RASIP1: variants seen among roughly 807,000 people sequenced by gnomAD.
RASIP1 encodes Ras interacting protein 1.
Under a neutral mutation model 85.3 loss-of-function variants are expected in RASIP1, and 20 were observed. The observed-to-expected ratio is 0.23, with a 90% CI of 0.17 to 0.34. The LOEUF (loss-of-function observed/expected upper bound fraction) is 0.34, where lower values mean the gene tolerates loss of function less well. Among genes scored for constraint, RASIP1 ranks in the 10% least tolerant of loss-of-function variants. RASIP1 has a pLI of 1.00. For missense variants in RASIP1, 1,170 were observed against 1,390.9 expected (o/e 0.84, Z 2.53); for synonymous variants, 617 against 647.1 (o/e 0.95, Z 0.71).
chr19:48,726,224 G>C (rs757374385), intron 8 of RASIP1, among the ~76,000 whole-genome samples: 1 of 151,546 alleles, frequency 6.6e-6, no homozygotes, highest in African/African-American at 2.4e-5. Flanking sequence ...TGCATCCGGC[G>C]TTATATTACT....
chr19:48,723,559 CAAAAAA>C (rs56200310), intron 10 of RASIP1, among the ~76,000 whole-genome samples: 2 of 77,306 alleles, frequency 2.6e-5, no homozygotes, highest in Non-Finnish European at 2.6e-5. Flanking sequence ...GACTCCGTCT[CAAAAAA>C]AAAAAAAAAA....
In RASIP1 at chr19:48,739,251, C is replaced by T. The variant is rs953263753; in HGVS notation, c.532G>A (p.Glu178Lys). 2 of 1,473,352 alleles carry T rather than the reference C, an allele frequency of 1.4e-6. No homozygotes were observed. The highest frequency in any genetic ancestry group is 1.3e-5 in the South Asian group (1 of 78,158). 91.3% of individuals were successfully genotyped at this position (1,473,352 alleles called of 1,614,324 possible). A position where few individuals can be genotyped will look rare whatever the true frequency, so the allele number is the denominator to read the frequency against. Reference protein sequence around the residue: ...ARSTARELVAEALERYGLAGS... With the variant: ...ARSTARELVAKALERYGLAGS... ...GCTAGGCCGTAGCGCTCTAGCGCCT[C>T]GGCCACGAGCTCGCGCGCCGTGGAG... The change falls in exon 3 of 12, where the codon GAG becomes AAG. Residue 178 changes from glutamate to lysine, a missense_variant. By Grantham distance (56) the Glu-to-Lys change is moderately conservative. Coordinates refer to ENST00000222145, the MANE Select transcript of RASIP1 (RefSeq NM_017805.3). This position sits in a 1 kb window ranked among gnomAD's most constrained non-coding sequence, Gnocchi z 9.2.
At position 48,739,132 on chromosome 19, in the gene RASIP1, T is replaced by G; in HGVS notation, c.651A>C (p.Gly217=). 5 of 1,355,508 alleles carry G rather than the reference T, an allele frequency of 3.7e-6. No homozygotes were observed. The highest frequency in any genetic ancestry group is 4.7e-6 in the Non-Finnish European group (5 of 1,060,140). 84.0% of individuals were successfully genotyped at this position (1,355,508 alleles called of 1,614,324 possible). A position where few individuals can be genotyped will look rare whatever the true frequency, so the allele number is the denominator to read the frequency against. ...ALGRPAAAGV[G]SGEWRAEHLR... is the part of the protein sequence containing the mutation. ...GGTGCTCCGCCCGCCACTCGCCGCT[T>G]CCCACGCCCGCCGCCGCGGGCCGGC... Residue 217 remains glycine (G), a synonymous_variant, in exon 3 of 12, where the codon GGA becomes GGC. Transcript: ENST00000222145. This position sits in a 1 kb window ranked among gnomAD's most constrained non-coding sequence, Gnocchi z 9.2.
At chr19:48,731,366 C>T (rs1045372649) in intron 4 of RASIP1, among the ~76,000 whole-genome samples, 6 of 152,132 alleles carry the variant, frequency 3.9e-5, no homozygotes, top group South Asian at 2.1e-4. Context: ...ACTCCCCCAA[C>T]GGAGGATTTC....
rs1021004881 is a variant in RASIP1, at chr19:48,735,510, G to C, written c.865C>G (p.Arg289Gly). 6.5e-7 allele frequency: 1 copy of C among 1,549,652 alleles called. No homozygotes were observed. The highest frequency in any genetic ancestry group is 8.7e-7 in the Non-Finnish European group (1 of 1,146,334). ...AGCGCTGCCCCACCCGACGCCGCCCGGGAGCGGTTCTTCTGTGGCCGCCAC... is the reference window on the plus strand; with the variant it reads ...AGCGCTGCCCCACCCGACGCCGCCCCGGAGCGGTTCTTCTGTGGCCGCCAC... ...PSWRPQKNRS[R>G]AASGGAALAS... Residue 289 changes from arginine (R) to glycine (G), a missense_variant, in exon 4 of 12, where the codon CGG (arginine) becomes GGG (glycine). Arg to Gly is a moderately radical substitution (Grantham distance 125). Coordinates refer to ENST00000222145, the MANE Select transcript of RASIP1 (RefSeq NM_017805.3).
rs1234043771 is a variant in RASIP1 at position 48,740,203 on chromosome 19, G to T, written c.80C>A (p.Ser27Tyr). Residue 27 changes from serine to tyrosine, a missense_variant, in exon 2 of 12, where the codon TCC (serine) becomes TAC (tyrosine). Coordinates refer to ENST00000222145, the MANE Select transcript of RASIP1 (RefSeq NM_017805.3). The surrounding 1 kb of genome is among the most constrained non-coding windows in gnomAD (Gnocchi z 5.5). ...CAGCTTCGCCAGCTGCTTCCTGGGG[G>T]AATTGATCCACAGGCCCACGGGGAG... ...LHLPVGLWIN[S>Y]PRKQLAKLGR... 1 of 1,590,456 alleles carries T rather than the reference G, an allele frequency of 6.3e-7. No homozygotes were observed. The highest frequency in any genetic ancestry group is 1.9e-5 in the Admixed American group (1 of 52,538).
chr19:48,733,349 A>G (rs1173379508), intron 4 of RASIP1, among the ~76,000 whole-genome samples: 2 of 152,184 alleles, frequency 1.3e-5, no homozygotes, highest in Non-Finnish European at 2.9e-5. Context: ...CTATTAGTGC[A>G]GTAACTTCCC....
chr19:48,739,528 G>A lies in RASIP1; in HGVS notation c.255C>T (p.Arg85=). ...GGAAGAGCTGGGAGATGCGCTTGGC[G>A]CGGCTACCGGAGGCTCCCCCGGCCG... ...VKAAGGASGS[R]AKRISQLFRG... is the part of the protein sequence containing the mutation. The change falls in exon 3 of 12, where the codon CGC becomes CGT. Residue 85 remains arginine (R), a synonymous_variant. Coordinates refer to ENST00000222145, the MANE Select transcript of RASIP1 (RefSeq NM_017805.3). The surrounding 1 kb of genome is among the most constrained non-coding windows in gnomAD (Gnocchi z 9.2). 1 of 1,515,786 alleles carries A rather than the reference G, an allele frequency of 6.6e-7. No homozygotes were observed. Among genetic ancestry groups the A allele is most frequent in the Non-Finnish European group, 8.8e-7 (1 of 1,136,838 alleles). 93.9% of individuals were successfully genotyped at this position (1,515,786 alleles called of 1,614,324 possible). A position where few individuals can be genotyped will look rare whatever the true frequency, so the allele number is the denominator to read the frequency against.
chr19:48,727,682 C>CTTTTTT (rs778318979), intron 5 of RASIP1, among the ~76,000 whole-genome samples: 13 of 121,784 alleles, frequency 1.1e-4, no homozygotes, highest in Admixed American at 3.5e-4. Flanking sequence ...CATACGGATT[C>CTTTTTT]TTTTTTTTTT....
At position 48,724,246 on chromosome 19, in the gene RASIP1, G is replaced by T; in HGVS notation, c.2544+91C>A. On this transcript the variant is annotated intron_variant, in intron 10 of 11. Coordinates refer to ENST00000222145, the MANE Select transcript of RASIP1 (RefSeq NM_017805.3). The surrounding 1 kb of genome is among the most constrained non-coding windows in gnomAD (Gnocchi z 4.6). ...GCTGGGGATGGCATGGGGTTCAAGG[G>T]GAGCTCTGACGGTGAGCTGAATATA... The T allele has an allele frequency of 2.2e-6, 3 of 1,383,856 alleles. No individual in the cohort carries two copies. The highest frequency in any genetic ancestry group is 3.0e-6 in the Non-Finnish European group (3 of 1,011,392). The allele number at this position is 1,383,856 out of a possible 1,614,324, so 85.7% of individuals were successfully genotyped here.
chr19:48,724,340 G>T lies in RASIP1; in HGVS notation c.2541C>A (p.Leu847=). The T allele has an allele frequency of 6.2e-7, 1 of 1,613,756 alleles. No homozygotes were observed. The highest frequency in any genetic ancestry group is 8.5e-7 in the Non-Finnish European group (1 of 1,179,772). The part of the protein sequence containing the change: ...NLLCVPRTSL[L]KASWSSLRTD... The stretch of plus-strand genomic sequence containing the variant: ...GGTATAGCTGACCAGGAGTCACCTT[G>T]AGCAGGGAAGTGCGGGGCACACAGA... The change falls in exon 10 of 12, where the codon CTC becomes CTA. Residue 847 remains leucine, a synonymous_variant. Coordinates refer to ENST00000222145, the MANE Select transcript of RASIP1 (RefSeq NM_017805.3). This position sits in a 1 kb window ranked among gnomAD's most constrained non-coding sequence, Gnocchi z 4.6.
Position 48,739,759 on chromosome 19 carries a change from G to A in RASIP1, c.138-114C>T. The A allele has an allele frequency of 1.5e-6, 1 of 648,164 alleles. No homozygotes were observed. Among genetic ancestry groups the A allele is most frequent in the East Asian group, 1.4e-4 (1 of 6,970 alleles). 40.2% of individuals were successfully genotyped at this position (648,164 alleles called of 1,614,324 possible). On this transcript the variant is annotated intron_variant, in intron 2 of 11. Coordinates refer to ENST00000222145, the MANE Select transcript of RASIP1 (RefSeq NM_017805.3). The surrounding 1 kb of genome is among the most constrained non-coding windows in gnomAD (Gnocchi z 9.2). ...GGCAGAGACCCAGAGGGAGGACAGG[G>A]ACCCAGGGTGGATGGACGGGGCGGG...
At position 48,740,250 on chromosome 19, in the gene RASIP1, G is replaced by A. The variant is rs760755492; in HGVS notation, c.33C>T (p.Ser11=). The A allele has an allele frequency of 2.2e-5, 35 of 1,587,888 alleles. No homozygotes were observed. In the South Asian group the frequency reaches 3.6e-4, roughly 16 times the overall value. Residue 11 remains serine (S), a synonymous_variant, in exon 2 of 12, where the codon AGC becomes AGT. Transcript: ENST00000222145. The surrounding 1 kb of genome is among the most constrained non-coding windows in gnomAD (Gnocchi z 5.5). ...GGAGATGAAGCTTCCCGAAGCGGGGGCTTCCGCCCTCCTTCCGTTCACCAG... is the reference window on the plus strand; with the variant it reads ...GGAGATGAAGCTTCCCGAAGCGGGGACTTCCGCCCTCCTTCCGTTCACCAG... MLSGERKEGG[S]PRFGKLHLPV...
Position 48,724,786 on chromosome 19 carries a change from C to T in RASIP1, c.2302G>A (p.Val768Met), listed in dbSNP as rs1466231571. Reference protein sequence around the residue: ...TSQCELHPDLVSQTFGYLFFF... With the variant: ...TSQCELHPDLMSQTFGYLFFF... Reference sequence around the variant, plus strand: ...AACAAGTAGCCAAAAGTCTGAGACACGAGGTCAGGGTGCAGCTCGCACTGG... The same window carrying T: ...AACAAGTAGCCAAAAGTCTGAGACATGAGGTCAGGGTGCAGCTCGCACTGG... Residue 768 changes from valine to methionine, a missense_variant, in exon 9 of 12, where the codon GTG (valine) becomes ATG (methionine). Val to Met is a conservative substitution (Grantham distance 21, BLOSUM62 1). Around this residue, in one of 4 missense-constraint regions of RASIP1, gnomAD observed 426 missense variants for 576.2 expected, o/e 0.74. Transcript: ENST00000222145. The surrounding 1 kb of genome is among the most constrained non-coding windows in gnomAD (Gnocchi z 4.6). 8.7e-6 allele frequency: 14 copies of T among 1,614,162 alleles called. No individual in the cohort carries two copies. Among genetic ancestry groups the T allele is most frequent in the Non-Finnish European group, 1.2e-5 (14 of 1,180,034 alleles).
intron 4 of RASIP1, 107 bp downstream of exon 4, chr19:48,735,089 C>A: frequency 9.4e-7 from 1 of 1,066,452 alleles, no homozygotes; most frequent in Admixed American, 2.8e-5. Context: ...CACTAGAGTA[C>A]TTGAGGCTAG....
chr19:48,735,702 G>A (rs371156578), intron 3 of RASIP1, 151 bp from the exon 4 acceptor site: 7 of 735,430 alleles, frequency 9.5e-6, no homozygotes, highest in African/African-American at 8.9e-5. Context: ...TTCCCTGTGC[G>A]TGGAACACCT....
chr19:48,740,405 G>A lies in RASIP1; in HGVS notation c.-5+116C>T. The A allele has an allele frequency of 7.1e-7, 1 of 1,417,948 alleles. No homozygotes were observed. The highest frequency in any genetic ancestry group is 9.3e-7 in the Non-Finnish European group (1 of 1,076,122). 87.8% of individuals were successfully genotyped at this position (1,417,948 alleles called of 1,614,324 possible). A position where few individuals can be genotyped will look rare whatever the true frequency, so the allele number is the denominator to read the frequency against. On this transcript the variant is annotated intron_variant, in intron 1 of 11. Transcript: ENST00000222145. This position sits in a 1 kb window ranked among gnomAD's most constrained non-coding sequence, Gnocchi z 5.5. The stretch of plus-strand genomic sequence containing the variant: ...CTGGGGCTCAGACTTGCGAGTCCAG[G>A]GGGAGGAGAGGGATGGTACCCTGGA...
At chr19:48,736,900 G>A (rs2033583003) in intron 3 of RASIP1, among the ~76,000 whole-genome samples, 1 of 152,158 alleles carries the variant, frequency 6.6e-6, no homozygotes, top group African/African-American at 2.4e-5. Context: ...AGCCAGGCGT[G>A]GTAGTGGGCA....
At position 48,740,150 on chromosome 19, in the gene RASIP1, C is replaced by G; in HGVS notation, c.133G>C (p.Val45Leu). The change falls in exon 2 of 12, where the codon GTC (valine) becomes CTC (leucine). Residue 45 changes from valine to leucine, a missense_variant. Around this residue, in one of 4 missense-constraint regions of RASIP1, gnomAD observed 299 missense variants for 394.4 expected, o/e 0.76. Transcript: ENST00000222145. The surrounding 1 kb of genome is among the most constrained non-coding windows in gnomAD (Gnocchi z 5.5). ...LGRRWPSAAS[V>L]KSSSSDTGSR... ...TCCTGCAGAGATGGCACTCACTTGA[C>G]AGAGGCTGCGCTGGGCCAGCGCCGC... 1 of 1,591,138 alleles carries G rather than the reference C, an allele frequency of 6.3e-7. No individual in the cohort carries two copies. Among genetic ancestry groups the G allele is most frequent in the Non-Finnish European group, 8.5e-7 (1 of 1,171,836 alleles).
Sources: gnomAD v4.1 joint callset for allele counts (sites outside exome capture counted in the v4.1 genomes callset) on GRCh38, gnomAD v4.1.1 for gene constraint, gnomAD v4.1.1 regional missense constraint, Gnocchi (gnomAD v3.1) non-coding constraint, MANE v1.5 for transcripts, NCBI Gene and HGNC (gene_info 2026-07-23, HGNC 2026-07-21) for gene names.